Variants in DYNC2LI1 observed in about 807,000 individuals in gnomAD.
DYNC2LI1 encodes the protein dynein cytoplasmic 2 light intermediate chain 1, also known as cytoplasmic dynein 2 light intermediate chain 1.
In DYNC2LI1, 45 loss-of-function variants were observed where a neutral mutation model predicts 51.9. That is an observed-to-expected ratio of 0.87 (90% CI 0.68 to 1.11). The LOEUF (loss-of-function observed/expected upper bound fraction) is 1.11. Among genes scored for constraint, DYNC2LI1 ranks in the 50% most tolerant of loss-of-function variants. The pLI is 0.00. For missense variants in DYNC2LI1, 490 were observed against 417.4 expected, an observed-to-expected ratio of 1.17 and a Z score of -1.51; for synonymous variants, 130 against 137.8, an observed-to-expected ratio of 0.94 and a Z score of 0.40.
At chr2:43,828,303 A>G in the DYNC2LI1 span, 2 of 781,372 alleles carry the variant, frequency 2.6e-6, no homozygotes, top group South Asian at 3.3e-5. Flanking sequence ...AAATCGTAAT[A>G]CATGTGTCAG....
At chr2:43,815,584 A>G in the DYNC2LI1 span, among the ~76,000 whole-genome samples, 1 of 152,300 alleles carries the variant, frequency 6.6e-6, no homozygotes, top group East Asian at 1.9e-4. Flanking sequence ...AGAGGTTGCT[A>G]ATTGAAAAGG....
the DYNC2LI1 span, chr2:43,822,827 G>A: frequency 1.2e-6 from 2 of 1,614,154 alleles, no homozygotes; most frequent in Non-Finnish European, 8.5e-7. Context: ...AATCATGGTG[G>A]CAACAACGCT....
intron 12 of DYNC2LI1, 21 bp downstream of exon 12, chr2:43,805,267 T>C: frequency 6.6e-7 from 1 of 1,510,236 alleles, no homozygotes; most frequent in Non-Finnish European, 9.1e-7. Flanking sequence ...AAACATTTAC[T>C]TAATTTCATC....
chr2:43,789,595 A>C (rs1673683957), intron 4 of DYNC2LI1, 38 bp from the exon 5 acceptor site: 1 of 1,528,040 alleles, frequency 6.5e-7, no homozygotes, highest in African/African-American at 1.4e-5. Flanking sequence ...TATAAGAAGT[A>C]CTTAAACTTC....
In DYNC2LI1 at chr2:43,774,087, G is replaced by C. The variant is rs1158788821; in HGVS notation, c.-52G>C. The C allele has an allele frequency of 1.2e-6, 2 of 1,611,868 alleles. No homozygotes were observed. The highest frequency in any genetic ancestry group is 1.7e-6 in the Non-Finnish European group (2 of 1,179,124). ...TTGCGGAGCTCGCCGCCTGATTCTA[G>C]GCTGGTCACTACTCCGAGCCTGTGA... On this transcript the variant is annotated 5_prime_UTR_variant, in exon 1 of 13. Transcript: ENST00000260605.
At chr2:43,814,788 T>C (rs1666711043), downstream of DYNC2LI1, among the ~76,000 whole-genome samples, 1 of 152,214 alleles carries the variant, frequency 6.6e-6, no homozygotes, top group Non-Finnish European at 1.5e-5. Flanking sequence ...AAATAACTAT[T>C]GTTAACATTT....
At chr2:43,799,245 T>C (rs1665992852) in intron 8 of DYNC2LI1, among the ~76,000 whole-genome samples, 1 of 152,110 alleles carries the variant, frequency 6.6e-6, no homozygotes, top group African/African-American at 2.4e-5. Flanking sequence ...GAGGCTGCAG[T>C]GAGTTATGAT....
At position 43,805,247 on chromosome 2, in the gene DYNC2LI1, GTAT is replaced by G; in HGVS notation, c.993+5_993+7del. Reference sequence around the variant, plus strand: ...TGAGATGAGAATTCAGAAGGATCTGGTATTATCCTAAACATTTACTTAATTTCA... The same window carrying G: ...TGAGATGAGAATTCAGAAGGATCTGGTATCCTAAACATTTACTTAATTTCA... On this transcript the variant is annotated splice_donor_variant and splice_donor_region_variant and intron_variant, in intron 12 of 12. Transcript: ENST00000260605. LOFTEE classifies it high-confidence loss of function. 1.3e-6 allele frequency: 2 copies of G among 1,587,210 alleles called. No homozygotes were observed. Among genetic ancestry groups the G allele is most frequent in the East Asian group, 4.5e-5 (2 of 44,616 alleles).
the DYNC2LI1 span, chr2:43,823,998 C>T: frequency 2.5e-6 from 4 of 1,614,194 alleles, no homozygotes; most frequent in Non-Finnish European, 3.4e-6. Flanking sequence ...GGATAGCACC[C>T]TTTAGCACAT....
At chr2:43,804,598 A>G (rs754876194) in intron 10 of DYNC2LI1, 44 bp from the exon 11 acceptor site, 8 of 1,244,964 alleles carry the variant, frequency 6.4e-6, no homozygotes, top group African/African-American at 1.5e-5. Context: ...AGTTTGTAAT[A>G]TTTTAATCAT....
chr2:43,774,077 C>T lies in DYNC2LI1; in HGVS notation c.-62C>T, dbSNP rs114189357. 37,723 of 1,607,612 alleles carry T rather than the reference C, an allele frequency of 0.023. 823 individuals carry two copies. The highest frequency in any genetic ancestry group is 0.11 in the African/African-American group (8,565 of 74,846). On this transcript the variant is annotated 5_prime_UTR_variant, in exon 1 of 13. Transcript: ENST00000260605. Reference sequence around the variant, plus strand: ...CCCAGACTCCTTGCGGAGCTCGCCGCCTGATTCTAGGCTGGTCACTACTCC... The same window carrying T: ...CCCAGACTCCTTGCGGAGCTCGCCGTCTGATTCTAGGCTGGTCACTACTCC...
At position 43,774,055 on chromosome 2, in the gene DYNC2LI1, A is replaced by C; in HGVS notation, c.-84A>C. The C allele has an allele frequency of 6.3e-7, 1 of 1,592,942 alleles. No individual in the cohort carries two copies. On this transcript the variant is annotated 5_prime_UTR_variant, in exon 1 of 13. Coordinates refer to ENST00000260605, the MANE Select transcript of DYNC2LI1 (RefSeq NM_016008.4). ...TGGCAACCCAGAAGGCCTCACTCCC[A>C]GACTCCTTGCGGAGCTCGCCGCCTG...
chr2:43,826,148 C>A, the DYNC2LI1 span, among the ~76,000 whole-genome samples: 1 of 151,498 alleles, frequency 6.6e-6, no homozygotes, highest in East Asian at 1.9e-4. Flanking sequence ...GCTAATTTTT[C>A]TTTTTCTTTC....
intron 5 of DYNC2LI1, among the ~76,000 whole-genome samples, chr2:43,790,895 A>T (rs1673751420): frequency 6.6e-6 from 1 of 152,044 alleles, no homozygotes; most frequent in African/African-American, 2.4e-5. Context: ...CTGCCTGGGA[A>T]TAGTGCCTAG....
At chr2:43,804,267 A>G (rs1666166268) in intron 10 of DYNC2LI1, among the ~76,000 whole-genome samples, 1 of 152,166 alleles carries the variant, frequency 6.6e-6, no homozygotes, top group Non-Finnish European at 1.5e-5. Context: ...TTGTAGGTCA[A>G]TTTTTCACTG....
Position 43,777,949 on chromosome 2 carries a change from C to T in DYNC2LI1, c.126+1050C>T, listed in dbSNP as rs905719539. 4.6e-5 allele frequency among the ~76,000 whole-genome samples: 7 copies of T among 152,072 alleles called. No homozygotes were observed. The East Asian group carries it at 7.7e-4, about 17-fold the overall frequency. On this transcript the variant is annotated intron_variant, in intron 2 of 12. Transcript: ENST00000260605. ...TGACATGATCCCAATTATACAAATA[C>T]GTAAATAAAAAATTCTGATAAAAAT...
At chr2:43,787,368 G>T in intron 4 of DYNC2LI1, 118 bp downstream of exon 4, 2 of 791,218 alleles carry the variant, frequency 2.5e-6, no homozygotes, top group East Asian at 2.8e-5. Flanking sequence ...TGTACACTTC[G>T]TAGCTGTCTA....
At position 43,802,742 on chromosome 2, in the gene DYNC2LI1, C is replaced by T. The variant is rs539344307; in HGVS notation, c.802+1033C>T. On this transcript the variant is annotated intron_variant, in intron 10 of 12. Transcript: ENST00000260605. ...GAAAGCCCATGTGAAGATGAATAGA[C>T]GTGCCATAGTGTGGGAGAAAAGAAT... 6.2e-4 allele frequency among the ~76,000 whole-genome samples: 94 copies of T among 152,156 alleles called. 3 individuals are homozygous for T. The South Asian group carries it at 0.018, about 30-fold the overall frequency.
intron 8 of DYNC2LI1, 45 bp downstream of exon 8, chr2:43,796,840 A>C: frequency 6.7e-7 from 1 of 1,500,754 alleles, no homozygotes; most frequent in African/African-American, 1.4e-5. Flanking sequence ...ACAGTACCAA[A>C]TTTGGGGAAA....
Sources: allele counts gnomAD v4.1 joint callset (sites outside exome capture counted in the v4.1 genomes callset), GRCh38; gene constraint gnomAD v4.1.1; transcripts MANE v1.5; gene names NCBI Gene and HGNC (gene_info 2026-07-23, HGNC 2026-07-21).